SRPX: variants seen among roughly 807,000 people sequenced by gnomAD.
SRPX encodes sushi repeat containing protein X-linked.
A neutral mutation model predicts 38.1 loss-of-function variants in SRPX; 24 were observed. The ratio of observed to expected loss-of-function variants is 0.63; its 90% CI spans 0.46 to 0.89. SRPX has a LOEUF of 0.89. Ranked by LOEUF, SRPX falls within the 40% of genes least tolerant of loss-of-function variation. The pLI, the probability that SRPX is intolerant of heterozygous loss-of-function variation, is 0.00. For synonymous variants in SRPX, 184 were observed against 153.8 expected (o/e 1.20, Z -1.45); for missense variants, 416 against 377.8 (o/e 1.10, Z -0.84).
At chrX:38,214,182 C>T (rs1373113161) in intron 1 of SRPX, among the ~76,000 whole-genome samples, 1 of 111,911 alleles carries the variant, frequency 8.9e-6, no homozygotes, top group Admixed American at 9.5e-5. Context: ...CCCAACTCTG[C>T]ATTTAACTCT....
intron 9 of SRPX, chrX:38,153,979 C>T (rs1938074595): frequency 8.9e-6 from 1 of 112,760 alleles, no homozygotes; most frequent in African/African-American, 3.2e-5. Context: ...TTCTTTAATA[C>T]ATCATTATTC....
intron 5 of SRPX, among the ~76,000 whole-genome samples, chrX:38,161,824 G>A (rs1938269418): frequency 8.9e-6 from 1 of 111,808 alleles, no homozygotes; most frequent in South Asian, 3.8e-4. Flanking sequence ...GCTGCCTAAT[G>A]AGGACACCAA....
At chrX:38,197,049 C>T (rs942202266) in intron 1 of SRPX, among the ~76,000 whole-genome samples, 1 of 112,107 alleles carries the variant, frequency 8.9e-6, no homozygotes, top group African/African-American at 3.2e-5. Flanking sequence ...GCAGATGAAT[C>T]CAGAGATGGG....
intron 1 of SRPX, among the ~76,000 whole-genome samples, chrX:38,205,499 T>A (rs1280136780): frequency 8.9e-6 from 1 of 112,008 alleles, no homozygotes; most frequent in Non-Finnish European, 1.9e-5. Flanking sequence ...AAGTAAAATT[T>A]ATCAATTATA....
chrX:38,203,434 G>A (rs1408730622), intron 1 of SRPX, among the ~76,000 whole-genome samples: 3 of 112,353 alleles, frequency 2.7e-5, no homozygotes, highest in African/African-American at 9.7e-5. Context: ...CCTAGCCAGT[G>A]CAATAAGACA....
At chrX:38,174,738 C>T (rs185197547) in intron 2 of SRPX, among the ~76,000 whole-genome samples, 1 of 112,012 alleles carries the variant, frequency 8.9e-6, no homozygotes, top group East Asian at 2.8e-4. Context: ...TAACTAGATA[C>T]ATAAGATTTT....
chrX:38,164,625 G>T, intron 5 of SRPX, 144 bp downstream of exon 5: 1 of 546,253 alleles, frequency 1.8e-6, no homozygotes, highest in Non-Finnish European at 2.8e-6. Flanking sequence ...ATACATAGGT[G>T]ACATATATAG....
rs141477282 is a variant in SRPX at position 38,171,975 on chromosome X, C to T, written c.432G>A (p.Glu144=). 1.2e-3 allele frequency: 1,432 copies of T among 1,209,167 alleles called. No individual in the cohort carries two copies. Among genetic ancestry groups the T allele is most frequent in the Non-Finnish European group, 1.5e-3 (1,306 of 894,664 alleles). Residue 144 remains glutamate, a synonymous_variant, in exon 4 of 10, where the codon GAG becomes GAA. Transcript: ENST00000378533. ...ACGTGTATCCTGGTGAACAATAATA[C>T]TCACACCGGGAGTTAAAGTAGGCAC... ...VDGAYFNSRC[E]YYCSPGYTLK...
chrX:38,200,133 C>T (rs980863230), intron 1 of SRPX, among the ~76,000 whole-genome samples: 2 of 112,115 alleles, frequency 1.8e-5, no homozygotes, highest in Non-Finnish European at 3.8e-5. Flanking sequence ...GGCCACCTTT[C>T]ATGTGACTTG....
At chrX:38,179,489 G>A (rs1164787045) in intron 1 of SRPX, among the ~76,000 whole-genome samples, 2 of 111,804 alleles carry the variant, frequency 1.8e-5, no homozygotes, top group African/African-American at 6.5e-5. Flanking sequence ...TTAATGACTC[G>A]AGTTAGCTCT....
Position 38,164,797 on chromosome X carries a change from T to TTCCTTCGGGTGTCTCC in SRPX, c.609_624dup (p.Arg209GlyfsTer15), listed in dbSNP as rs1433629085. On this transcript the variant is annotated frameshift_variant, in exon 5 of 10. Coordinates refer to ENST00000378533, the MANE Select transcript of SRPX (RefSeq NM_006307.5). LOFTEE classifies it high-confidence loss of function. ...GTAAGAATTCCATCTGCTGTGTCTC[T>TTCCTTCGGGTGTCTCC]TCCTTCGGGTGTCTCCCAGGACACC... is the stretch of plus-strand genomic sequence containing the variant. 1 of 1,209,186 alleles carries TTCCTTCGGGTGTCTCC rather than the reference T, an allele frequency of 8.3e-7. No homozygotes were observed. The highest frequency in any genetic ancestry group is 1.1e-6 in the Non-Finnish European group (1 of 894,779).
chrX:38,194,549 G>A (rs1341022271), intron 1 of SRPX, among the ~76,000 whole-genome samples: 2 of 112,050 alleles, frequency 1.8e-5, no homozygotes, highest in South Asian at 3.7e-4. Context: ...AGAAATTCCT[G>A]CACATTGTTC....
intron 1 of SRPX, among the ~76,000 whole-genome samples, chrX:38,213,399 C>T (rs930675440): frequency 8.1e-5 from 9 of 111,742 alleles, no homozygotes; most frequent in African/African-American, 2.9e-4. Flanking sequence ...AATCACAAAT[C>T]AGTTGGGGAG....
rs183172528 is a variant in SRPX, at chrX:38,176,662, G to A, written c.157+1623C>T. Among the ~76,000 whole-genome samples the A allele has an allele frequency of 8.1e-5, 9 of 111,292 alleles. No homozygotes were observed. The East Asian group carries it at 2.5e-3, about 31-fold the overall frequency. On this transcript the variant is annotated intron_variant, in intron 2 of 9. Coordinates refer to ENST00000378533, the MANE Select transcript of SRPX (RefSeq NM_006307.5). ...TGCAACATTAGCTGGGTGTGGTGGC[G>A]TGTGCCTGTAGTCCCAGCTACCTGG...
chrX:38,190,114 A>C (rs753282390), intron 1 of SRPX, among the ~76,000 whole-genome samples: 1 of 112,430 alleles, frequency 8.9e-6, no homozygotes, highest in Non-Finnish European at 1.9e-5. Context: ...CAAAACTGAG[A>C]ATAACTGAAT....
intron 1 of SRPX, among the ~76,000 whole-genome samples, chrX:38,198,714 T>G (rs1240801893): frequency 9.0e-6 from 1 of 111,415 alleles, no homozygotes; most frequent in African/African-American, 3.3e-5. Flanking sequence ...AATAAAAAAA[T>G]GTTAAGAGGA....
intron 1 of SRPX, among the ~76,000 whole-genome samples, chrX:38,180,855 A>G (rs182481578): frequency 8.9e-6 from 1 of 112,480 alleles, no homozygotes; most frequent in East Asian, 2.8e-4. Flanking sequence ...TGAATGAATA[A>G]AGAAAGAAGC....
chrX:38,186,159 C>T (rs1197988267), intron 1 of SRPX, among the ~76,000 whole-genome samples: 1 of 111,916 alleles, frequency 8.9e-6, no homozygotes, highest in African/African-American at 3.2e-5. Context: ...TGAATACTGT[C>T]TCACACTCTC....
At chrX:38,152,388 T>G (rs1039507913) in intron 9 of SRPX, among the ~76,000 whole-genome samples, 9 of 112,516 alleles carry the variant, frequency 8.0e-5, no homozygotes, top group African/African-American at 2.3e-4. Context: ...GCAAAAATTC[T>G]ATTTCAAACT....
Sources: gnomAD v4.1 joint callset for allele counts (sites outside exome capture counted in the v4.1 genomes callset) on GRCh38, gnomAD v4.1.1 for gene constraint, MANE v1.5 for transcripts, NCBI Gene and HGNC (gene_info 2026-07-23, HGNC 2026-07-21) for gene names.